The following TOP2B variants were observed in gnomAD, a reference collection of about 807,000 sequenced individuals.
TOP2B encodes DNA topoisomerase II beta, also known as DNA topoisomerase 2-beta.
A neutral mutation model predicts 193.5 loss-of-function variants in TOP2B; 51 were observed. That is an observed-to-expected ratio of 0.26 (90% CI 0.21 to 0.33). The LOEUF (loss-of-function observed/expected upper bound fraction) is 0.33. TOP2B is among the 10% of genes least tolerant of loss of function. The pLI, the probability that TOP2B is intolerant of heterozygous loss-of-function variation, is 1.00. For synonymous variants in TOP2B, 634 were observed against 635.7 expected, an observed-to-expected ratio of 1.00 and a Z score of 0.04; for missense variants, 1,378 against 1,909.3, an observed-to-expected ratio of 0.72 and a Z score of 5.19.
intron 4 of TOP2B, among the ~76,000 whole-genome samples, chr3:25,639,630 GAC>G (rs1703203749): frequency 1.3e-5 from 2 of 152,190 alleles, no homozygotes; most frequent in Non-Finnish European, 2.9e-5. Flanking sequence ...TAATCAGATA[GAC>G]ATCCACAAAT....
At chr3:25,651,772 C>T (rs1703596925) in intron 1 of TOP2B, among the ~76,000 whole-genome samples, 1 of 151,124 alleles carries the variant, frequency 6.6e-6, no homozygotes, top group East Asian at 1.9e-4. Flanking sequence ...GAGGCTGAGG[C>T]AGAAGAATCA....
chr3:25,630,219 A>C (rs1702917199), intron 12 of TOP2B, 65 bp from the exon 13 acceptor site: 2 of 1,519,992 alleles, frequency 1.3e-6, no homozygotes, highest in Admixed American at 4.5e-5. Context: ...CAGAAATTAC[A>C]TTTAAAAATT....
In TOP2B at chr3:25,630,164, A is replaced by G; in HGVS notation, c.1564-10T>C. 5.8e-6 allele frequency: 9 copies of G among 1,538,870 alleles called. No individual in the cohort carries two copies. Among genetic ancestry groups the G allele is most frequent in the Non-Finnish European group, 7.9e-6 (9 of 1,144,282 alleles). On this transcript the variant is annotated splice_polypyrimidine_tract_variant and intron_variant, in intron 12 of 35. Transcript: ENST00000264331. ...CAGCATTTTCCATGATCTGTTCAAA[A>G]AGGAAAAGCACTGAGAGTAGTTTGA...
At position 25,599,668 on chromosome 3, in the gene TOP2B, A is replaced by G. The variant is rs1207965716; in HGVS notation, c.4616-139T>C. The G allele has an allele frequency of 5.3e-6, 4 of 758,096 alleles. No homozygotes were observed. The African/African-American group carries it at 7.1e-5, about 13-fold the overall frequency. The allele number at this position is 758,096 out of a possible 1,614,324, so 47.0% of individuals were successfully genotyped here. On this transcript the variant is annotated intron_variant, in intron 34 of 35. Transcript: ENST00000264331. ...TCCTGATCTCTTACTATGAGTGATTATAAACAATTTGGCAGTAGCATTTCA... is the reference window on the plus strand; with the variant it reads ...TCCTGATCTCTTACTATGAGTGATTGTAAACAATTTGGCAGTAGCATTTCA...
intron 30 of TOP2B, among the ~76,000 whole-genome samples, chr3:25,608,751 C>T (rs1367188761): frequency 2.6e-5 from 4 of 152,112 alleles, no homozygotes; most frequent in Non-Finnish European, 4.4e-5. Flanking sequence ...TGGGATTCTG[C>T]AGTTCACCCG....
rs748023923 is a variant in TOP2B at position 25,630,289 on chromosome 3, T to C, written c.1563+23A>G. ...GTATGTGTGCATGTGTGTATACACA[T>C]ATATATACACACACATACATACCTG... On this transcript the variant is annotated intron_variant, in intron 12 of 35. Transcript: ENST00000264331. 6 of 1,547,604 alleles carry C rather than the reference T, an allele frequency of 3.9e-6. No individual in the cohort carries two copies. In the South Asian group the frequency reaches 6.0e-5, roughly 15 times the overall value.
intron 21 of TOP2B, among the ~76,000 whole-genome samples, chr3:25,622,741 A>T (rs139076777): frequency 6.6e-6 from 1 of 151,946 alleles, no homozygotes; most frequent in African/African-American, 2.4e-5. Context: ...CCTGGGTTCA[A>T]GCGATTCTCC....
intron 1 of TOP2B, among the ~76,000 whole-genome samples, chr3:25,656,320 AG>A (rs1459162244): frequency 1.3e-5 from 2 of 152,116 alleles, no homozygotes; most frequent in African/African-American, 4.8e-5. Flanking sequence ...TATAAAACCT[AG>A]GGCATGGTGC....
chr3:25,600,740 A>C (rs1330223369), intron 34 of TOP2B, among the ~76,000 whole-genome samples: 7 of 152,238 alleles, frequency 4.6e-5, no homozygotes, highest in Admixed American at 2.6e-4. Context: ...TTCTAGCCTA[A>C]GAGTCCTGGA....
chr3:25,600,591 A>T (rs1218849504), intron 34 of TOP2B, among the ~76,000 whole-genome samples: 1 of 152,230 alleles, frequency 6.6e-6, no homozygotes, highest in Non-Finnish European at 1.5e-5. Context: ...CTACCCTCAT[A>T]TCATGTCTTA....
intron 7 of TOP2B, among the ~76,000 whole-genome samples, chr3:25,634,792 AAAAAAC>A (rs757348648): frequency 1.3e-5 from 1 of 78,770 alleles, no homozygotes; most frequent in African/African-American, 4.9e-5. Flanking sequence ...AAAAAAAAAA[AAAAAAC>A]CAAAAAAAGG....
chr3:25,618,530 G>A, intron 24 of TOP2B, 21 bp from the exon 25 acceptor site: 1 of 1,590,276 alleles, frequency 6.3e-7, no homozygotes, highest in Non-Finnish European at 8.6e-7. Context: ...GAAAAATAAA[G>A]TTAGGATCAA....
At chr3:25,657,843 T>C (rs1055456599) in intron 1 of TOP2B, among the ~76,000 whole-genome samples, 81 of 148,826 alleles carry the variant, frequency 5.4e-4, no homozygotes, top group Middle Eastern at 3.4e-3. Context: ...AGGTGGATCA[T>C]CAGGTCAGGA....
At chr3:25,620,927 A>G in intron 21 of TOP2B, 111 bp from the exon 22 acceptor site, 2 of 1,182,866 alleles carry the variant, frequency 1.7e-6, no homozygotes, top group Non-Finnish European at 2.4e-6. Flanking sequence ...TCTCATCCTC[A>G]ATTGTCCCTT....
At chr3:25,615,050 A>G (rs557303077) in intron 27 of TOP2B, among the ~76,000 whole-genome samples, 155 bp downstream of exon 27, 52 of 152,134 alleles carry the variant, frequency 3.4e-4, no homozygotes, top group African/African-American at 1.2e-3. Context: ...GAAGTTCTTT[A>G]TAACTTCACA....
At chr3:25,652,384 T>C (rs906335695) in intron 1 of TOP2B, among the ~76,000 whole-genome samples, 1 of 152,210 alleles carries the variant, frequency 6.6e-6, no homozygotes, top group Non-Finnish European at 1.5e-5. Flanking sequence ...TTCTTTTCAA[T>C]TGCACTTGGA....
chr3:25,607,020 T>A lies in TOP2B; in HGVS notation c.4298+151A>T, dbSNP rs1702252056. On this transcript the variant is annotated intron_variant, in intron 31 of 35. Transcript: ENST00000264331. ...TTCCTTTAAACTACAGCAACTGTGATGGGAACAGCTGCAATATTAACAAGA... is the reference window on the plus strand; with the variant it reads ...TTCCTTTAAACTACAGCAACTGTGAAGGGAACAGCTGCAATATTAACAAGA... The A allele has an allele frequency of 6.9e-6, 8 of 1,161,266 alleles. No individual in the cohort carries two copies. In the African/African-American group the frequency reaches 9.4e-5, roughly 14 times the overall value. The allele number at this position is 1,161,266 out of a possible 1,614,324, so 71.9% of individuals were successfully genotyped here.
rs1703028892 is a variant in TOP2B, at chr3:25,633,867, AGCTGATTT to A, written c.992_999del (p.Gln331LeufsTer4). The A allele has an allele frequency of 2.5e-6, 4 of 1,611,780 alleles. No homozygotes were observed. The highest frequency in any genetic ancestry group is 3.4e-6 in the Non-Finnish European group (4 of 1,178,984). On this transcript the variant is annotated frameshift_variant, in exon 8 of 36. Transcript: ENST00000264331. LOFTEE classifies it high-confidence loss of function. ...TTTGTAGTTGCAATACTATTTACAA[AGCTGATTT>A]GCTGGAATCCTTTTTCACTCAATGT...
chr3:25,604,114 T>G (rs992548348), intron 33 of TOP2B, among the ~76,000 whole-genome samples: 1 of 152,228 alleles, frequency 6.6e-6, no homozygotes, highest in African/African-American at 2.4e-5. Flanking sequence ...TGTAATGATG[T>G]TGTCTGTTGT....
Sources: gnomAD v4.1 joint callset for allele counts (sites outside exome capture counted in the v4.1 genomes callset) on GRCh38, gnomAD v4.1.1 for gene constraint, MANE v1.5 for transcripts, NCBI Gene and HGNC (gene_info 2026-07-23, HGNC 2026-07-21) for gene names.